The following SLC14A2 variants were observed in gnomAD, a reference collection of about 807,000 sequenced individuals.
The protein encoded by SLC14A2 is solute carrier family 14 member 2, also known as urea transporter 2.
Under a neutral mutation model 104.6 loss-of-function variants are expected in SLC14A2, and 91 were observed. The observed-to-expected ratio is 0.87, with a 90% CI of 0.73 to 1.04. The LOEUF (loss-of-function observed/expected upper bound fraction) is 1.04. Among genes scored for constraint, SLC14A2 ranks in the 50% least tolerant of loss-of-function variants. The pLI is 0.00. For synonymous variants in SLC14A2, 476 were observed against 466.4 expected, an observed-to-expected ratio of 1.02 and a Z score of -0.27; for missense variants, 1,189 against 1,156.0, an observed-to-expected ratio of 1.03 and a Z score of -0.41.
At chr18:45,427,971 C>T (rs2086459150) in intron 1 of SLC14A2, among the ~76,000 whole-genome samples, 1 of 152,120 alleles carries the variant, frequency 6.6e-6, no homozygotes, top group South Asian at 2.1e-4. Flanking sequence ...AGATCTGAAA[C>T]AATAGGCATG....
At chr18:45,286,922 A>ACCC (rs2084820917) in intron 1 of SLC14A2, among the ~76,000 whole-genome samples, 1 of 152,196 alleles carries the variant, frequency 6.6e-6, no homozygotes, top group Non-Finnish European at 1.5e-5. Flanking sequence ...TAAACAGGCC[A>ACCC]CCCAGCCCCA....
At chr18:45,461,516 G>C (rs1467519448) in intron 1 of SLC14A2, among the ~76,000 whole-genome samples, 1 of 152,188 alleles carries the variant, frequency 6.6e-6, no homozygotes, top group Non-Finnish European at 1.5e-5. Context: ...TCTGGGACCT[G>C]TCCCTCCAGT....
At chr18:45,368,868 T>C (rs2085693410) in intron 1 of SLC14A2, among the ~76,000 whole-genome samples, 1 of 152,168 alleles carries the variant, frequency 6.6e-6, no homozygotes, top group Admixed American at 6.5e-5. Flanking sequence ...ATCTTAGTAA[T>C]CCAATTAAAT....
intron 1 of SLC14A2, among the ~76,000 whole-genome samples, chr18:45,398,014 T>C (rs965678133): frequency 1.3e-5 from 2 of 152,172 alleles, no homozygotes; most frequent in African/African-American, 4.8e-5. Flanking sequence ...GGTTAGGAAG[T>C]AATATTTATT....
At chr18:45,599,987 A>G (rs1454821864) in intron 2 of SLC14A2, among the ~76,000 whole-genome samples, 1 of 152,006 alleles carries the variant, frequency 6.6e-6, no homozygotes, top group Non-Finnish European at 1.5e-5. Flanking sequence ...ATGGGAATTC[A>G]GGATGAGATT....
At chr18:45,298,090 A>G (rs1271439197) in intron 1 of SLC14A2, among the ~76,000 whole-genome samples, 1 of 152,244 alleles carries the variant, frequency 6.6e-6, no homozygotes, top group Non-Finnish European at 1.5e-5. Context: ...ACCTATAATC[A>G]TAATATAATA....
intron 1 of SLC14A2, among the ~76,000 whole-genome samples, chr18:45,469,946 T>G (rs1425907735): frequency 6.6e-6 from 1 of 152,178 alleles, no homozygotes; most frequent in Non-Finnish European, 1.5e-5. Flanking sequence ...TGTCAATTCT[T>G]TTATAGCTGT....
intron 2 of SLC14A2, among the ~76,000 whole-genome samples, chr18:45,571,452 A>G (rs2044343518): frequency 6.6e-6 from 1 of 152,248 alleles, no homozygotes; most frequent in African/African-American, 2.4e-5. Flanking sequence ...TCTCCTGACA[A>G]TGAGCCGGCT....
At chr18:45,547,500 G>T (rs368556836) in intron 2 of SLC14A2, among the ~76,000 whole-genome samples, 1 of 152,166 alleles carries the variant, frequency 6.6e-6, no homozygotes. Context: ...GCATAGGAGT[G>T]CCCACAGCCC....
At chr18:45,472,276 T>C (rs767898347) in intron 1 of SLC14A2, among the ~76,000 whole-genome samples, 1 of 152,234 alleles carries the variant, frequency 6.6e-6, no homozygotes, top group Non-Finnish European at 1.5e-5. Flanking sequence ...CAGTCTATCA[T>C]TGATGGGCAT....
intron 1 of SLC14A2, among the ~76,000 whole-genome samples, chr18:45,275,287 T>C (rs1490033000): frequency 6.6e-6 from 1 of 152,180 alleles, no homozygotes. Context: ...CTCCACTACA[T>C]TGGAAAAAGT....
At chr18:45,411,108 T>C (rs1425319803) in intron 1 of SLC14A2, among the ~76,000 whole-genome samples, 1 of 152,228 alleles carries the variant, frequency 6.6e-6, no homozygotes, top group East Asian at 1.9e-4. Context: ...TGTATTCCCT[T>C]ACGAGCAATA....
chr18:45,582,904 A>T (rs1271978184), intron 2 of SLC14A2, among the ~76,000 whole-genome samples: 1 of 152,150 alleles, frequency 6.6e-6, no homozygotes, highest in Non-Finnish European at 1.5e-5. Context: ...ATGGAGTCTC[A>T]TCTTCCTCCT....
At chr18:45,537,101 G>T (rs1250715998) in intron 2 of SLC14A2, among the ~76,000 whole-genome samples, 1 of 131,984 alleles carries the variant, frequency 7.6e-6, no homozygotes, top group Non-Finnish European at 1.6e-5. Context: ...AATATTTATA[G>T]ACCACCATTA....
chr18:45,520,358 A>G (rs1166084850), intron 2 of SLC14A2, among the ~76,000 whole-genome samples: 1 of 152,128 alleles, frequency 6.6e-6, no homozygotes, highest in Non-Finnish European at 1.5e-5. Context: ...AGATCACCTG[A>G]TGGAGACTTA....
chr18:45,391,801 A>G (rs2085970739), intron 1 of SLC14A2, among the ~76,000 whole-genome samples: 1 of 152,114 alleles, frequency 6.6e-6, no homozygotes, highest in East Asian at 1.9e-4. Context: ...CATTTGTTTG[A>G]GTTCATTGTA....
chr18:45,239,666 G>GA (rs1302501236), intron 1 of SLC14A2, among the ~76,000 whole-genome samples: 5 of 152,206 alleles, frequency 3.3e-5, no homozygotes, highest in Non-Finnish European at 7.3e-5. Context: ...CATTCTGACC[G>GA]AAAAATCTAC....
At chr18:45,538,238 G>C (rs572395920) in intron 2 of SLC14A2, among the ~76,000 whole-genome samples, 1 of 152,344 alleles carries the variant, frequency 6.6e-6, no homozygotes, top group South Asian at 2.1e-4. Context: ...ATTGATCCCA[G>C]AAGATGCAGG....
At chr18:45,345,325 A>G (rs538651982) in intron 1 of SLC14A2, among the ~76,000 whole-genome samples, 1 of 152,346 alleles carries the variant, frequency 6.6e-6, no homozygotes, top group East Asian at 1.9e-4. Flanking sequence ...AATTTACTTT[A>G]TGTTAGGAAC....
Sources: allele counts gnomAD v4.1 joint callset (sites outside exome capture counted in the v4.1 genomes callset), GRCh38; gene constraint gnomAD v4.1.1; transcripts MANE v1.5; gene names NCBI Gene and HGNC (gene_info 2026-07-23, HGNC 2026-07-21).